HTRA1: variants seen among roughly 807,000 people sequenced by gnomAD.
HTRA1 encodes serine protease HTRA1.
Under a neutral mutation model 49.7 loss-of-function variants are expected in HTRA1, and 26 were observed. That is an observed-to-expected ratio of 0.52 (90% CI 0.38 to 0.73). HTRA1 has a LOEUF of 0.73. HTRA1 is among the 30% of genes least tolerant of loss of function. The pLI is 0.00. For synonymous variants in HTRA1, 291 were observed against 286.9 expected (o/e 1.01, Z -0.14); for missense variants, 561 against 667.2 (o/e 0.84, Z 1.75).
intron 5 of HTRA1, among the ~76,000 whole-genome samples, chr10:122,507,984 C>A (rs1201091325): frequency 6.6e-6 from 1 of 152,100 alleles, no homozygotes; most frequent in Admixed American, 6.6e-5. Context: ...TAGAGGGCAG[C>A]TCTGGGGCCA....
At chr10:122,483,138 A>G (rs1202479638) in intron 1 of HTRA1, among the ~76,000 whole-genome samples, 1 of 152,186 alleles carries the variant, frequency 6.6e-6, no homozygotes, top group Non-Finnish European at 1.5e-5. Context: ...AAGCTTATCT[A>G]CACTGCCTAC....
rs1329676998 is a variant in HTRA1, at chr10:122,506,757, A to C, written c.844A>C (p.Ile282Leu). 5.0e-6 allele frequency: 8 copies of C among 1,613,756 alleles called. No homozygotes were observed. The highest frequency in any genetic ancestry group is 6.8e-6 in the Non-Finnish European group (8 of 1,180,042). ...GCGGCCGGGAGAGTTCGTGGTCGCC[A>C]TCGGAAGCCCGTTTTCCCTTCAAAA... Reference protein sequence around the residue: ...ELRPGEFVVAIGSPFSLQNTV... With the variant: ...ELRPGEFVVALGSPFSLQNTV... Residue 282 changes from isoleucine to leucine, a missense_variant, in exon 4 of 9, where the codon ATC becomes CTC. Transcript: ENST00000368984. This position sits in a 1 kb window ranked among gnomAD's most constrained non-coding sequence, Gnocchi z 5.2.
rs2133449017 is a variant in HTRA1, at chr10:122,506,166, G to C, written c.778-525G>C. Among the ~76,000 whole-genome samples, 1 of 151,606 alleles carries C rather than the reference G, an allele frequency of 6.6e-6. No individual in the cohort carries two copies. The highest frequency in any genetic ancestry group is 1.9e-4 in the East Asian group (1 of 5,140). ...CTGTACTCAGCATAGGCGTGCACCT[G>C]AGTCAGTACAGTTCCCTGCCCGCAG... On this transcript the variant is annotated intron_variant, in intron 3 of 8. Coordinates refer to ENST00000368984, the MANE Select transcript of HTRA1 (RefSeq NM_002775.5). This position sits in a 1 kb window ranked among gnomAD's most constrained non-coding sequence, Gnocchi z 5.2.
At position 122,506,187 on chromosome 10, in the gene HTRA1, C is replaced by T. The variant is rs367997287; in HGVS notation, c.778-504C>T. ...ACCTGAGTCAGTACAGTTCCCTGCC[C>T]GCAGAGCACCCCAAATATTCCAGGC... On this transcript the variant is annotated intron_variant, in intron 3 of 8. Transcript: ENST00000368984. This position sits in a 1 kb window ranked among gnomAD's most constrained non-coding sequence, Gnocchi z 5.2. Among the ~76,000 whole-genome samples the T allele has an allele frequency of 4.6e-5, 7 of 152,142 alleles. No homozygotes were observed. The highest frequency in any genetic ancestry group is 3.8e-4 in the East Asian group (2 of 5,196).
intron 8 of HTRA1, among the ~76,000 whole-genome samples, chr10:122,513,408 G>T (rs1273804053): frequency 5.9e-5 from 9 of 152,032 alleles, no homozygotes. Flanking sequence ...CCACTTTGGG[G>T]TCAATCTTGA....
chr10:122,496,224 G>GTTTTTTTTTTTTTTTTTTTT, intron 3 of HTRA1, among the ~76,000 whole-genome samples: 1 of 32,106 alleles, frequency 3.1e-5, no homozygotes, highest in East Asian at 6.1e-4. Context: ...AGAGATTGTG[G>GTTTTTTTTTTTTTTTTTTTT]GTTCTTTTTT....
chr10:122,507,675 C>T (rs544467472), intron 5 of HTRA1, among the ~76,000 whole-genome samples: 3 of 152,264 alleles, frequency 2.0e-5, no homozygotes, highest in Admixed American at 2.0e-4. Flanking sequence ...CTCAGAGTTA[C>T]AGGTAAACAC....
At chr10:122,510,241 CT>C in intron 7 of HTRA1, 88 bp downstream of exon 7, 1 of 1,009,832 alleles carries the variant, frequency 9.9e-7, no homozygotes, top group Non-Finnish European at 1.6e-6. Context: ...AAAGAGAAAC[CT>C]TATGCTGCCT....
In HTRA1 at chr10:122,487,907, T is replaced by C. The variant is rs1159191214; in HGVS notation, c.473-995T>C. ...TGAAACGTTATGTGGTGCATGACTG[T>C]AGGTATAAAGCATTACAGTTGTTTG... On this transcript the variant is annotated intron_variant, in intron 1 of 8. Transcript: ENST00000368984. The surrounding 1 kb of genome is among the most constrained non-coding windows in gnomAD (Gnocchi z 4.8). Among the ~76,000 whole-genome samples the C allele has an allele frequency of 3.9e-5, 6 of 152,198 alleles. No homozygotes were observed.
chr10:122,479,784 G>A (rs1591029028), intron 1 of HTRA1, among the ~76,000 whole-genome samples: 1 of 114,202 alleles, frequency 8.8e-6, no homozygotes, highest in East Asian at 3.4e-4. Context: ...TCGTGGGCCC[G>A]AGGAGATGGC....
At chr10:122,473,072 T>C (rs2097486859) in intron 1 of HTRA1, among the ~76,000 whole-genome samples, 1 of 152,230 alleles carries the variant, frequency 6.6e-6, no homozygotes, top group Non-Finnish European at 1.5e-5. Context: ...CACTGTTAGA[T>C]TCCTTTTTTG....
chr10:122,507,344 A>G, intron 4 of HTRA1, 26 bp from the exon 5 acceptor site: 1 of 1,604,768 alleles, frequency 6.2e-7, no homozygotes, highest in Non-Finnish European at 8.5e-7. Flanking sequence ...ACGATTTGTA[A>G]CCTTTTCATT....
chr10:122,513,927 C>CG (rs2097506770), intron 8 of HTRA1, among the ~76,000 whole-genome samples: 1 of 145,964 alleles, frequency 6.9e-6, no homozygotes, highest in Non-Finnish European at 1.5e-5. Flanking sequence ...TTAGTAGAGA[C>CG]GGGGCTTCAC....
chr10:122,465,946 C>T (rs1394018946), intron 1 of HTRA1, among the ~76,000 whole-genome samples: 1 of 152,186 alleles, frequency 6.6e-6, no homozygotes, highest in Non-Finnish European at 1.5e-5. Context: ...CTAGTACATC[C>T]TCCAGGAAAG....
At chr10:122,475,299 G>A (rs955763663) in intron 1 of HTRA1, among the ~76,000 whole-genome samples, 2 of 152,222 alleles carry the variant, frequency 1.3e-5, no homozygotes, top group Non-Finnish European at 2.9e-5. Flanking sequence ...CCCACTTGGA[G>A]CCGTCTGGGA....
chr10:122,468,105 G>A (rs2097484507), intron 1 of HTRA1, among the ~76,000 whole-genome samples: 1 of 152,180 alleles, frequency 6.6e-6, no homozygotes, highest in Non-Finnish European at 1.5e-5. Context: ...TCAGGTATGG[G>A]GACTCAGAGG....
chr10:122,509,811 A>C lies in HTRA1; in HGVS notation c.1121-285A>C, dbSNP rs556912414. On this transcript the variant is annotated intron_variant, in intron 6 of 8. Transcript: ENST00000368984. Reference sequence around the variant, plus strand: ...AGGTGGGACAGAGGGGTCACATTCCAGATATATATGGGGGGTAGAGCAAGC... The same window carrying C: ...AGGTGGGACAGAGGGGTCACATTCCCGATATATATGGGGGGTAGAGCAAGC... Among the ~76,000 whole-genome samples, 9 of 152,184 alleles carry C rather than the reference A, an allele frequency of 5.9e-5. No homozygotes were observed. The South Asian group carries it at 1.9e-3, about 32-fold the overall frequency.
chr10:122,467,713 T>C (rs2097484334), intron 1 of HTRA1, among the ~76,000 whole-genome samples: 2 of 151,920 alleles, frequency 1.3e-5, no homozygotes, highest in Non-Finnish European at 2.9e-5. Flanking sequence ...GGCCTTTGGG[T>C]CATCTGAAGT....
chr10:122,491,110 A>G (rs921047951), intron 3 of HTRA1, among the ~76,000 whole-genome samples: 2 of 152,212 alleles, frequency 1.3e-5, no homozygotes, highest in Non-Finnish European at 2.9e-5. Context: ...TCACAGGATT[A>G]TTGGGCCAGC....
Sources: allele counts gnomAD v4.1 joint callset (sites outside exome capture counted in the v4.1 genomes callset), GRCh38; gene constraint gnomAD v4.1.1; non-coding constraint Gnocchi (gnomAD v3.1); transcripts MANE v1.5; gene names NCBI Gene and HGNC (gene_info 2026-07-23, HGNC 2026-07-21).